The following CCNY variants were observed in gnomAD, a reference collection of about 807,000 sequenced individuals.
CCNY encodes cyclin-Y.
Under a neutral mutation model 42.8 loss-of-function variants are expected in CCNY, and 19 were observed. The observed-to-expected ratio is 0.44, with a 90% CI of 0.31 to 0.65. The LOEUF is 0.65. Among genes scored for constraint, CCNY ranks in the 30% least tolerant of loss-of-function variants. The probability of loss-of-function intolerance (pLI) is 0.07; values close to 1 mark genes in which losing one functional copy is unlikely to be tolerated. For missense variants in CCNY, 370 were observed against 437.3 expected (o/e 0.85, Z 1.37); for synonymous variants, 165 against 162.7 (o/e 1.01, Z -0.11).
At chr10:35,522,656 G>A (rs1436241649) in intron 4 of CCNY, among the ~76,000 whole-genome samples, 2 of 152,182 alleles carry the variant, frequency 1.3e-5, no homozygotes, top group Non-Finnish European at 2.9e-5. Flanking sequence ...ATCCTACACA[G>A]AACCCATACA....
intron 1 of CCNY, among the ~76,000 whole-genome samples, chr10:35,361,062 T>C (rs561383593): frequency 3.9e-5 from 6 of 152,210 alleles, no homozygotes; most frequent in Admixed American, 2.6e-4. Flanking sequence ...TTTCGTCATG[T>C]TGGTCAGGCT....
chr10:35,562,681 G>A (rs935230992), intron 8 of CCNY, among the ~76,000 whole-genome samples: 1 of 151,974 alleles, frequency 6.6e-6, no homozygotes, highest in Non-Finnish European at 1.5e-5. Context: ...TACTTCACTG[G>A]GGGTCTGTGT....
intron 3 of CCNY, among the ~76,000 whole-genome samples, chr10:35,312,692 C>T (rs756868961): frequency 1.3e-5 from 2 of 150,724 alleles, no homozygotes; most frequent in Non-Finnish European, 2.9e-5. Flanking sequence ...GGGCACTATG[C>T]TGAGGAAATG....
chr10:35,438,712 GAGA>G (rs1334121616), intron 1 of CCNY, among the ~76,000 whole-genome samples: 14 of 152,296 alleles, frequency 9.2e-5, no homozygotes, highest in Non-Finnish European at 1.5e-4. Flanking sequence ...GAAAATTCAA[GAGA>G]AGGAGGAAAG....
At chr10:35,427,068 C>T (rs1217197970) in intron 1 of CCNY, among the ~76,000 whole-genome samples, 3 of 152,168 alleles carry the variant, frequency 2.0e-5, no homozygotes, top group African/African-American at 7.2e-5. Flanking sequence ...AACTGAAATC[C>T]TTTTAATATT....
intron 1 of CCNY, among the ~76,000 whole-genome samples, chr10:35,364,777 A>G (rs892334383): frequency 6.6e-6 from 1 of 152,166 alleles, no homozygotes; most frequent in Non-Finnish European, 1.5e-5. Context: ...GCTCATTCTT[A>G]TAATTACTGC....
chr10:35,343,547 G>A (rs781500864), intron 1 of CCNY, among the ~76,000 whole-genome samples: 6 of 151,860 alleles, frequency 4.0e-5, no homozygotes, highest in East Asian at 1.9e-4. Context: ...GTGCCACCAC[G>A]TCCGGCTAAT....
chr10:35,361,227 C>T (rs1813486171), intron 1 of CCNY, among the ~76,000 whole-genome samples: 1 of 152,182 alleles, frequency 6.6e-6, no homozygotes, highest in South Asian at 2.1e-4. Context: ...TCTGTGTTTA[C>T]ATATATACCT....
At chr10:35,456,691 C>A (rs1215635166) in intron 1 of CCNY, among the ~76,000 whole-genome samples, 1 of 152,170 alleles carries the variant, frequency 6.6e-6, no homozygotes, top group African/African-American at 2.4e-5. Context: ...TATTGCCTTT[C>A]TACTTTCTCA....
chr10:35,459,857 A>G (rs1443540376), intron 1 of CCNY, among the ~76,000 whole-genome samples: 1 of 152,068 alleles, frequency 6.6e-6, no homozygotes, highest in Admixed American at 6.5e-5. Flanking sequence ...ACTTGGGGGG[A>G]ATACATACTT....
intron 1 of CCNY, among the ~76,000 whole-genome samples, chr10:35,425,605 A>G (rs1838248749): frequency 6.6e-6 from 1 of 152,260 alleles, no homozygotes; most frequent in South Asian, 2.1e-4. Context: ...AAAGAACAGT[A>G]TGGTAAGAAT....
chr10:35,534,853 GCTT>G (rs892323065), intron 7 of CCNY, among the ~76,000 whole-genome samples: 3 of 151,440 alleles, frequency 2.0e-5, no homozygotes, highest in African/African-American at 7.3e-5. Context: ...TTCATGATTG[GCTT>G]CTTTTACTTA....
chr10:35,477,179 T>C (rs1417231153), intron 1 of CCNY, among the ~76,000 whole-genome samples: 1 of 152,094 alleles, frequency 6.6e-6, no homozygotes, highest in East Asian at 1.9e-4. Context: ...CAGGACCAGA[T>C]GGATTCACAG....
intron 1 of CCNY, among the ~76,000 whole-genome samples, chr10:35,342,584 CTG>C (rs1218927589): frequency 2.0e-5 from 3 of 152,130 alleles, no homozygotes; most frequent in Non-Finnish European, 2.9e-5. Context: ...GGTGGGAAGA[CTG>C]AATCTCAGAG....
chr10:35,367,558 C>G (rs1836836211), intron 1 of CCNY, among the ~76,000 whole-genome samples: 1 of 152,172 alleles, frequency 6.6e-6, no homozygotes. Flanking sequence ...AAAACAGACA[C>G]TTTAAAAGTT....
chr10:35,382,659 C>T (rs144324077), intron 1 of CCNY, among the ~76,000 whole-genome samples: 152 of 152,160 alleles, frequency 1.0e-3, no homozygotes, highest in African/African-American at 3.3e-3. Context: ...AAAGAATTAC[C>T]GGGCCCAGTT....
chr10:35,402,113 A>G (rs1837657952), intron 1 of CCNY, among the ~76,000 whole-genome samples: 1 of 152,066 alleles, frequency 6.6e-6, no homozygotes, highest in Non-Finnish European at 1.5e-5. Context: ...ATAATGGGCG[A>G]TGTTTCTCAG....
intron 1 of CCNY, among the ~76,000 whole-genome samples, chr10:35,450,876 C>A (rs1391312898): frequency 2.6e-5 from 4 of 151,860 alleles, no homozygotes; most frequent in Non-Finnish European, 5.9e-5. Flanking sequence ...GTCACCAGCA[C>A]CTGTGACTTT....
chr10:35,422,490 GATTA>G lies in CCNY; in HGVS notation c.155-60912_155-60909del, dbSNP rs137981533. ...GAGCTGACTCGTGGGCATTTGAGAAGATTAAATGTGAGTAAGTAGCAAGGTACTT... is the reference window on the plus strand; with the variant it reads ...GAGCTGACTCGTGGGCATTTGAGAAGAATGTGAGTAAGTAGCAAGGTACTT... On this transcript the variant is annotated intron_variant, in intron 1 of 9. Coordinates refer to ENST00000374704, the MANE Select transcript of CCNY (RefSeq NM_145012.6). Among the ~76,000 whole-genome samples, 1,035 of 152,312 alleles carry G rather than the reference GATTA, an allele frequency of 6.8e-3. 11 individuals carry two copies. Among genetic ancestry groups the G allele is most frequent in the African/African-American group, 0.024 (989 of 41,572 alleles).
Sources: gnomAD v4.1 joint callset for allele counts (sites outside exome capture counted in the v4.1 genomes callset) on GRCh38, gnomAD v4.1.1 for gene constraint, MANE v1.5 for transcripts, NCBI Gene and HGNC (gene_info 2026-07-23, HGNC 2026-07-21) for gene names.